STARD6: variants seen among roughly 807,000 people sequenced by gnomAD.
STARD6 encodes StAR related lipid transfer domain containing 6, also known as stAR-related lipid transfer protein 6.
In STARD6, 21 loss-of-function variants were observed where a neutral mutation model predicts 22.3. That is an observed-to-expected ratio of 0.94 (90% CI 0.67 to 1.35). The LOEUF is 1.35. Ranked by LOEUF, STARD6 falls within the 40% of genes most tolerant of loss-of-function variation. The pLI is 0.00. For synonymous variants in STARD6, 80 were observed against 88.1 expected, an observed-to-expected ratio of 0.91 and a Z score of 0.52; for missense variants, 269 against 266.9, an observed-to-expected ratio of 1.01 and a Z score of -0.05.
chr18:54,339,223 G>T (rs1341280471), intron 4 of STARD6, among the ~76,000 whole-genome samples: 1 of 150,296 alleles, frequency 6.7e-6, no homozygotes, highest in East Asian at 1.9e-4. Flanking sequence ...CAGAAGGAAA[G>T]AACTGACACT....
Position 54,324,676 on chromosome 18 carries a change from AT to A in STARD6, c.*15del, listed in dbSNP as rs2088807400. ...CATGATTTTATAGCAGAACGGCCTC[AT>A]TTCTTCTTTTGGTATCATGAATGAC... is the stretch of plus-strand genomic sequence containing the variant. On this transcript the variant is annotated 3_prime_UTR_variant, in exon 8 of 8. Transcript: ENST00000307844. The A allele has an allele frequency of 6.2e-7, 1 of 1,611,026 alleles. No homozygotes were observed. The highest frequency in any genetic ancestry group is 1.7e-5 in the Admixed American group (1 of 59,522).
intron 4 of STARD6, among the ~76,000 whole-genome samples, chr18:54,339,958 G>C (rs1366516882): frequency 6.6e-6 from 1 of 151,962 alleles, no homozygotes; most frequent in Non-Finnish European, 1.5e-5. Context: ...GAGGGGGATG[G>C]AAATAAAGCT....
chr18:54,353,728 T>C (rs1469121817), intron 4 of STARD6, among the ~76,000 whole-genome samples: 1 of 152,200 alleles, frequency 6.6e-6, no homozygotes, highest in African/African-American at 2.4e-5. Flanking sequence ...ACATGAAGGG[T>C]TTAAAATTCC....
At position 54,354,518 on chromosome 18, in the gene STARD6, C is replaced by T. The variant is rs1402094608; in HGVS notation, c.56G>A (p.Arg19Gln). 2.5e-6 allele frequency: 4 copies of T among 1,613,308 alleles called. No homozygotes were observed. Among genetic ancestry groups the T allele is most frequent in the Non-Finnish European group, 3.4e-6 (4 of 1,179,680 alleles). ...AACCACTTTCCAGCCTGATGTATCT[C>T]GATTATAACCTAAAACTTCTTGGGC... ...QTAQEVLGYN[R>Q]DTSGWKVVKT... The change falls in exon 3 of 8, where the codon CGA becomes CAA. Residue 19 changes from arginine to glutamine, a missense_variant. Transcript: ENST00000307844.
intron 4 of STARD6, among the ~76,000 whole-genome samples, chr18:54,351,614 A>G (rs1034170199): frequency 6.6e-6 from 1 of 152,100 alleles, no homozygotes; most frequent in African/African-American, 2.4e-5. Flanking sequence ...CTTTGAGGTA[A>G]GTTCCTTCTA....
intron 5 of STARD6, among the ~76,000 whole-genome samples, chr18:54,333,265 C>T (rs971109575): frequency 1.2e-4 from 19 of 152,094 alleles, no homozygotes; most frequent in Admixed American, 9.8e-4. Flanking sequence ...CTGGCTAACA[C>T]GGTGAAACTC....
chr18:54,331,328 A>C lies in STARD6; in HGVS notation c.385+414T>G, dbSNP rs536524792. On this transcript the variant is annotated intron_variant, in intron 6 of 7. Coordinates refer to ENST00000307844, the MANE Select transcript of STARD6 (RefSeq NM_139171.2). ...GGCAGTTTCTAAAAGAAATAAAAGCACATTTATGTAAAGAGCCATCTAGTG... is the reference window on the plus strand; with the variant it reads ...GGCAGTTTCTAAAAGAAATAAAAGCCCATTTATGTAAAGAGCCATCTAGTG... 2.0e-5 allele frequency among the ~76,000 whole-genome samples: 3 copies of C among 152,318 alleles called. No homozygotes were observed. The East Asian group carries it at 5.8e-4, about 29-fold the overall frequency.
At chr18:54,339,802 T>C (rs2088953890) in intron 4 of STARD6, among the ~76,000 whole-genome samples, 1 of 152,180 alleles carries the variant, frequency 6.6e-6, no homozygotes, top group African/African-American at 2.4e-5. Context: ...ACAGTAACAA[T>C]AGTATGTAGC....
chr18:54,338,766 T>G (rs966478968), intron 4 of STARD6, among the ~76,000 whole-genome samples: 1 of 150,312 alleles, frequency 6.7e-6, no homozygotes, highest in African/African-American at 2.5e-5. Context: ...TGTAAAAAAT[T>G]TGGACGGGCG....
In STARD6 at chr18:54,324,507, T is replaced by C. The variant is rs1312084611; in HGVS notation, c.*185A>G. The C allele has an allele frequency of 2.1e-6, 1 of 482,240 alleles. No homozygotes were observed. The highest frequency in any genetic ancestry group is 2.0e-5 in the African/African-American group (1 of 49,252). The allele number at this position is 482,240 out of a possible 1,614,324, so 29.9% of individuals were successfully genotyped here. A position where few individuals can be genotyped will look rare whatever the true frequency, so the allele number is the denominator to read the frequency against. On this transcript the variant is annotated 3_prime_UTR_variant, in exon 8 of 8. Transcript: ENST00000307844. ...CATTCTTACGTGAGATTAAAAACGG[T>C]ATTTAATGCCATATTCTTGTACAAC...
chr18:54,331,741 C>T lies in STARD6; in HGVS notation c.385+1G>A, dbSNP rs188859007. On this transcript the variant is annotated splice_donor_variant, in intron 6 of 7. Transcript: ENST00000307844. LOFTEE classifies it high-confidence loss of function. ...GATATGGGCAAAATGTTTCAACTTA[C>T]AACTGATAATGTTCATATTTCCTTC... 1.3e-6 allele frequency: 2 copies of T among 1,598,796 alleles called. No individual in the cohort carries two copies. Among genetic ancestry groups the T allele is most frequent in the South Asian group, 1.1e-5 (1 of 88,984 alleles).
chr18:54,339,640 A>G (rs1484486457), intron 4 of STARD6, among the ~76,000 whole-genome samples: 1 of 152,206 alleles, frequency 6.6e-6, no homozygotes, highest in Non-Finnish European at 1.5e-5. Context: ...TTATCTTTCA[A>G]AAATAAAGGT....
intron 4 of STARD6, among the ~76,000 whole-genome samples, chr18:54,340,746 C>T (rs759027729): frequency 2.8e-4 from 43 of 152,098 alleles, no homozygotes; most frequent in Non-Finnish European, 5.7e-4. Flanking sequence ...ATAAAAGATA[C>T]GCTTTAAATT....
intron 5 of STARD6, among the ~76,000 whole-genome samples, chr18:54,333,306 G>A (rs546112233): frequency 8.5e-5 from 13 of 152,108 alleles, no homozygotes; most frequent in South Asian, 8.3e-4. Flanking sequence ...AAAATTAGCC[G>A]GGCGTGGTGG....
intron 4 of STARD6, among the ~76,000 whole-genome samples, chr18:54,345,390 A>G (rs2089024875): frequency 6.6e-6 from 1 of 152,232 alleles, no homozygotes; most frequent in African/African-American, 2.4e-5. Flanking sequence ...ACTGAAACTT[A>G]TAAAACATTC....
intron 4 of STARD6, among the ~76,000 whole-genome samples, chr18:54,348,841 T>C (rs1228860997): frequency 2.0e-5 from 3 of 152,142 alleles, no homozygotes; most frequent in Non-Finnish European, 4.4e-5. Context: ...CAAAAGGCCC[T>C]TTTTGAGTAG....
Position 54,324,891 on chromosome 18 carries a change from G to A in STARD6, c.480-16C>T, listed in dbSNP as rs568469747. The A allele has an allele frequency of 1.3e-6, 2 of 1,488,950 alleles. No individual in the cohort carries two copies. Among genetic ancestry groups the A allele is most frequent in the East Asian group, 2.4e-5 (1 of 41,134 alleles). 92.2% of individuals were successfully genotyped at this position (1,488,950 alleles called of 1,614,324 possible). A position where few individuals can be genotyped will look rare whatever the true frequency, so the allele number is the denominator to read the frequency against. On this transcript the variant is annotated splice_polypyrimidine_tract_variant and intron_variant, in intron 7 of 7. Coordinates refer to ENST00000307844, the MANE Select transcript of STARD6 (RefSeq NM_139171.2). ...TGCTGGGTTTCTGTAAGCAAAAGAA[G>A]AGTTAAAAAAAGATAAGAAATTTTT...
intron 4 of STARD6, among the ~76,000 whole-genome samples, chr18:54,339,896 C>A (rs566255780): frequency 1.0e-3 from 158 of 152,148 alleles, no homozygotes; most frequent in African/African-American, 3.7e-3. Context: ...AACAATATAA[C>A]ATTTTATTGG....
intron 5 of STARD6, among the ~76,000 whole-genome samples, chr18:54,335,835 C>T (rs768687519): frequency 1.3e-5 from 2 of 152,166 alleles, no homozygotes; most frequent in Non-Finnish European, 2.9e-5. Context: ...TGTTCCCCTT[C>T]ACCTTCTGCC....
Sources: gnomAD v4.1 joint callset for allele counts (sites outside exome capture counted in the v4.1 genomes callset) on GRCh38, gnomAD v4.1.1 for gene constraint, MANE v1.5 for transcripts, NCBI Gene and HGNC (gene_info 2026-07-23, HGNC 2026-07-21) for gene names.